MICAL3: variants seen among roughly 807,000 people sequenced by gnomAD.
The protein encoded by MICAL3 is microtubule associated monooxygenase, calponin and LIM domain containing 3.
Under a neutral mutation model 207.4 loss-of-function variants are expected in MICAL3, and 62 were observed. The observed-to-expected ratio is 0.30, with a 90% CI of 0.24 to 0.37. The LOEUF (loss-of-function observed/expected upper bound fraction) is 0.37, where lower values mean the gene tolerates loss of function less well. Ranked by LOEUF, MICAL3 falls within the 10% of genes least tolerant of loss-of-function variation. The probability of loss-of-function intolerance (pLI) is 1.00; values close to 1 mark genes in which losing one functional copy is unlikely to be tolerated. For missense variants in MICAL3, 2,368 were observed against 2,635.6 expected, an observed-to-expected ratio of 0.90 and a Z score of 2.22; for synonymous variants, 1,077 against 1,069.3, an observed-to-expected ratio of 1.01 and a Z score of -0.14.
At chr22:17,992,805 C>T (rs1018051240) in intron 1 of MICAL3, among the ~76,000 whole-genome samples, 24 of 152,244 alleles carry the variant, frequency 1.6e-4, no homozygotes, top group African/African-American at 5.8e-4. Flanking sequence ...ATTTATCTCA[C>T]GGGATTTGGA....
intron 1 of MICAL3, among the ~76,000 whole-genome samples, chr22:17,928,448 G>GAAAGAAAGAA (rs1933040515): frequency 7.0e-6 from 1 of 143,458 alleles, no homozygotes; most frequent in Non-Finnish European, 1.5e-5. Flanking sequence ...CAAAAAAAAA[G>GAAAGAAAGAA]AAAGAAAGAA....
intron 1 of MICAL3, among the ~76,000 whole-genome samples, chr22:17,984,594 GC>G (rs1378281384): frequency 1.6e-5 from 2 of 126,724 alleles, no homozygotes; most frequent in African/African-American, 5.9e-5. Flanking sequence ...GGGCTGCTTT[GC>G]CCCAGGTCCT....
At chr22:17,887,260 T>C (rs374736772) in intron 14 of MICAL3, 28 bp from the exon 15 acceptor site, 3 of 1,612,328 alleles carry the variant, frequency 1.9e-6, no homozygotes, top group Non-Finnish European at 2.5e-6. Context: ...GGAAACTGCA[T>C]TATTCTAGCC....
At chr22:17,890,093 C>A (rs1258037385) in intron 12 of MICAL3, among the ~76,000 whole-genome samples, 1 of 152,160 alleles carries the variant, frequency 6.6e-6, no homozygotes. Flanking sequence ...ATGGCCATTT[C>A]CTACTGGGTT....
chr22:17,791,351 G>T, intron 29 of MICAL3, 50 bp from the exon 30 acceptor site: 1 of 1,494,622 alleles, frequency 6.7e-7, no homozygotes, highest in South Asian at 1.2e-5. Context: ...CGCCCACCCT[G>T]GCCCGCAGGA....
intron 20 of MICAL3, among the ~76,000 whole-genome samples, chr22:17,837,875 A>G (rs1923569173): frequency 6.6e-6 from 1 of 152,216 alleles, no homozygotes. Flanking sequence ...TTTTTGAGCC[A>G]GGGTCTCACT....
In MICAL3 at chr22:17,896,231, G is replaced by A; in HGVS notation, c.1322+15C>T. The A allele has an allele frequency of 6.7e-7, 1 of 1,486,800 alleles. No individual in the cohort carries two copies. 92.1% of individuals were successfully genotyped at this position (1,486,800 alleles called of 1,614,324 possible). A position where few individuals can be genotyped will look rare whatever the true frequency, so the allele number is the denominator to read the frequency against. ...AGTTTTCTCATGAAAGGAACCCCGG[G>A]TTACTTCCCATTACCTCTCTGCCAG... On this transcript the variant is annotated intron_variant, in intron 9 of 31. Transcript: ENST00000441493.
At chr22:17,829,546 T>C (rs745607276) in intron 21 of MICAL3, among the ~76,000 whole-genome samples, 1 of 152,198 alleles carries the variant, frequency 6.6e-6, no homozygotes, top group Non-Finnish European at 1.5e-5. Flanking sequence ...TGCACAGGAC[T>C]GAGGAAGGTA....
rs761317092 is a variant in MICAL3, at chr22:17,831,998, C to T, written c.2911G>A (p.Ala971Thr). 36 of 1,605,768 alleles carry T rather than the reference C, an allele frequency of 2.2e-5. No homozygotes were observed. The highest frequency in any genetic ancestry group is 2.7e-5 in the Non-Finnish European group (32 of 1,176,364). Reference protein sequence around the residue: ...VPWKEAVRIHALLKGKSEEEL... With the variant: ...VPWKEAVRIHTLLKGKSEEEL... The stretch of plus-strand genomic sequence containing the variant: ...TCTTCACTTTTCCCTTTCAGAAGGG[C>T]ATGGATCCGCACGGCCTCCTTCCAC... The change falls in exon 21 of 32, where the codon GCC (alanine) becomes ACC (threonine). Residue 971 changes from alanine (A) to threonine (T), a missense_variant. Physicochemically the swap from Ala to Thr is moderately conservative, Grantham distance 58. Around this residue, in one of 4 missense-constraint regions of MICAL3, gnomAD observed 1,770 missense variants for 1,863.2 expected, o/e 0.95. Transcript: ENST00000441493.
At chr22:18,005,827 AC>A (rs1323556845) in intron 1 of MICAL3, 1 of 152,136 alleles carries the variant, frequency 6.6e-6, no homozygotes, top group Admixed American at 6.5e-5. Flanking sequence ...TGTTTAGCAA[AC>A]TATCCTGCTC....
chr22:17,839,258 A>ACTTTTTT (rs1923737180), intron 20 of MICAL3, among the ~76,000 whole-genome samples: 1 of 110,394 alleles, frequency 9.1e-6, no homozygotes, highest in Non-Finnish European at 1.8e-5. Flanking sequence ...CGGGCTCTTC[A>ACTTTTTT]TTTTTTTTTT....
Position 17,877,504 on chromosome 22 carries a change from T to G in MICAL3, c.2242-5481A>C, listed in dbSNP as rs62240570. 6.3e-3 allele frequency among the ~76,000 whole-genome samples: 396 copies of G among 63,346 alleles called. 1 individual carries two copies. Among genetic ancestry groups the G allele is most frequent in the Non-Finnish European group, 6.8e-3 (217 of 31,788 alleles). 41.6% of individuals were successfully genotyped at this position (63,346 alleles called of 152,430 possible). ...GAGGTTATGGAGGTTAGGGAGGTTA[T>G]GGAGGTTAGGGAGGTTAGGGAGGTG... is the stretch of plus-strand genomic sequence containing the variant. On this transcript the variant is annotated intron_variant, in intron 16 of 31. Transcript: ENST00000441493.
chr22:17,831,113 G>T (rs1343032510), intron 21 of MICAL3, among the ~76,000 whole-genome samples: 2 of 152,188 alleles, frequency 1.3e-5, no homozygotes, highest in Non-Finnish European at 2.9e-5. Context: ...TAAAGGTCAT[G>T]TCCTTCCTGC....
intron 1 of MICAL3, among the ~76,000 whole-genome samples, chr22:17,917,996 C>T (rs1245004645): frequency 6.6e-6 from 1 of 152,220 alleles, no homozygotes; most frequent in Admixed American, 6.5e-5. Context: ...CCACAGCATG[C>T]CGCCCACCCG....
intron 21 of MICAL3, 123 bp from the exon 22 acceptor site, chr22:17,827,904 G>A (rs2146034227): frequency 1.9e-6 from 2 of 1,055,512 alleles, no homozygotes; most frequent in Non-Finnish European, 2.7e-6. Context: ...TCAGAAAGAA[G>A]TAAAAATTAA....
At chr22:17,896,677 A>T (rs1297642101) in intron 8 of MICAL3, 47 bp downstream of exon 8, 2 of 1,587,888 alleles carry the variant, frequency 1.3e-6, no homozygotes, top group Admixed American at 1.7e-5. Context: ...ATTCACTCCT[A>T]ATTATTCCTG....
intron 13 of MICAL3, 73 bp from the exon 14 acceptor site, chr22:17,887,508 C>A: frequency 1.1e-6 from 1 of 941,822 alleles, no homozygotes; most frequent in Non-Finnish European, 1.7e-6. Context: ...AAACTACTCT[C>A]CCTCGTGGAT....
chr22:17,929,093 C>CTT (rs58091241), intron 1 of MICAL3, among the ~76,000 whole-genome samples: 6,644 of 137,570 alleles, frequency 0.048, 225 homozygotes, highest in African/African-American at 0.1. Context: ...GTGCCCGGCC[C>CTT]TTTTTTTTTT....
At chr22:17,876,819 A>AT (rs1928490306) in intron 16 of MICAL3, 1 of 122,530 alleles carries the variant, frequency 8.2e-6, no homozygotes, top group African/African-American at 3.0e-5. Context: ...TAGGGAGGTT[A>AT]GGGAGGTTAT....
Sources: allele counts gnomAD v4.1 joint callset (sites outside exome capture counted in the v4.1 genomes callset), GRCh38; gene constraint gnomAD v4.1.1; regional missense constraint gnomAD v4.1.1; transcripts MANE v1.5; gene names NCBI Gene and HGNC (gene_info 2026-07-23, HGNC 2026-07-21).